GOSR1: variants seen among roughly 807,000 people sequenced by gnomAD.
The protein encoded by GOSR1 is 28 kDa Golgi SNARE protein.
Under a neutral mutation model 35.5 loss-of-function variants are expected in GOSR1, and 21 were observed. That is an observed-to-expected ratio of 0.59 (90% CI 0.42 to 0.85). The LOEUF (loss-of-function observed/expected upper bound fraction) is 0.85. Among genes scored for constraint, GOSR1 ranks in the 40% least tolerant of loss-of-function variants. The pLI is 0.00. For missense variants in GOSR1, 285 were observed against 309.6 expected, an observed-to-expected ratio of 0.92 and a Z score of 0.60; for synonymous variants, 94 against 106.6, an observed-to-expected ratio of 0.88 and a Z score of 0.73.
At chr17:30,496,995 C>G (rs1238084852) in intron 6 of GOSR1, among the ~76,000 whole-genome samples, 2 of 152,272 alleles carry the variant, frequency 1.3e-5, no homozygotes, top group Admixed American at 6.5e-5. Context: ...TTAAAAATAC[C>G]TTTGGCAGAG....
At chr17:30,498,693 C>T (rs1297011849) in intron 6 of GOSR1, among the ~76,000 whole-genome samples, 1 of 152,118 alleles carries the variant, frequency 6.6e-6, no homozygotes, top group Non-Finnish European at 1.5e-5. Context: ...TATTTTGAAA[C>T]GTCACGCATT....
Position 30,484,712 on chromosome 17 carries a change from TC to T in GOSR1, c.288del (p.Ser97ProfsTer2). 1 of 1,600,484 alleles carries T rather than the reference TC, an allele frequency of 6.2e-7. No homozygotes were observed. Among genetic ancestry groups the T allele is most frequent in the Non-Finnish European group, 8.5e-7 (1 of 1,169,696 alleles). On this transcript the variant is annotated frameshift_variant, in exon 4 of 9. Transcript: ENST00000451249. LOFTEE classifies it high-confidence loss of function. ...KMAEYTNSAG[V>X]PSLNAALMHT... is the part of the protein sequence containing the mutation. ...GCAGAATATACCAACAGTGCAGGTG[TC>T]CCCTCCTTGAATGCAGCCCTGATGC...
At chr17:30,483,370 A>G (rs886837477) in intron 2 of GOSR1, among the ~76,000 whole-genome samples, 2 of 152,174 alleles carry the variant, frequency 1.3e-5, no homozygotes, top group African/African-American at 4.8e-5. Context: ...ATGAGCATCT[A>G]CTATGTGCCA....
intron 6 of GOSR1, among the ~76,000 whole-genome samples, chr17:30,503,547 A>C (rs765349196): frequency 1.7e-4 from 26 of 152,250 alleles, no homozygotes; most frequent in Non-Finnish European, 1.2e-4. Context: ...TAACCAGATG[A>C]TGCCATCTGC....
intron 1 of GOSR1, chr17:30,477,967 C>CAT: frequency 1.0e-5 from 10 of 981,580 alleles, no homozygotes; most frequent in Non-Finnish European, 1.2e-5. Flanking sequence ...CAGAATGTCT[C>CAT]TTATTGGGTC....
At chr17:30,484,434 C>T (rs1178882742) in intron 3 of GOSR1, 133 bp downstream of exon 3, 7 of 688,664 alleles carry the variant, frequency 1.0e-5, no homozygotes, top group Non-Finnish European at 1.8e-5. Flanking sequence ...CCCCACACCA[C>T]TTGAATTTTG....
At chr17:30,498,502 G>C (rs929295343) in intron 6 of GOSR1, among the ~76,000 whole-genome samples, 7 of 152,172 alleles carry the variant, frequency 4.6e-5, no homozygotes, top group Non-Finnish European at 7.3e-5. Flanking sequence ...TCATTACTCT[G>C]CTGAAGCTTC....
chr17:30,480,679 C>G (rs1914274969), intron 1 of GOSR1, among the ~76,000 whole-genome samples: 1 of 151,222 alleles, frequency 6.6e-6, no homozygotes, highest in Non-Finnish European at 1.5e-5. Flanking sequence ...ATCTGCTTTG[C>G]TGGGCAAGTC....
intron 4 of GOSR1, among the ~76,000 whole-genome samples, chr17:30,488,072 C>G (rs569561482): frequency 3.4e-4 from 51 of 150,790 alleles, no homozygotes; most frequent in African/African-American, 1.1e-3. Context: ...CCGTACCCAG[C>G]CCTGATCCAA....
chr17:30,489,732 TGA>T (rs1281658078), intron 4 of GOSR1, among the ~76,000 whole-genome samples: 2 of 152,204 alleles, frequency 1.3e-5, no homozygotes, highest in African/African-American at 4.8e-5. Flanking sequence ...AAATTTTTTG[TGA>T]GAGCTCCAAA....
chr17:30,490,054 A>T, intron 4 of GOSR1, 72 bp from the exon 5 acceptor site: 1 of 741,866 alleles, frequency 1.3e-6, no homozygotes, highest in East Asian at 2.5e-5. Flanking sequence ...TGTGATGACG[A>T]TACATAACTG....
intron 4 of GOSR1, among the ~76,000 whole-genome samples, chr17:30,488,191 GTC>G (rs1914800060): frequency 7.5e-6 from 1 of 132,480 alleles, no homozygotes; most frequent in Non-Finnish European, 1.5e-5. Flanking sequence ...TTGAGACAGA[GTC>G]TCACTCTGTC....
intron 5 of GOSR1, among the ~76,000 whole-genome samples, 162 bp from the exon 6 acceptor site, chr17:30,492,517 G>A (rs1280490410): frequency 1.3e-5 from 2 of 152,222 alleles, no homozygotes; most frequent in Non-Finnish European, 2.9e-5. Flanking sequence ...ACCTAAAATA[G>A]ATAACATTTT....
intron 4 of GOSR1, among the ~76,000 whole-genome samples, chr17:30,486,005 A>T (rs891854876): frequency 1.4e-5 from 2 of 147,826 alleles, no homozygotes; most frequent in Admixed American, 1.3e-4. Context: ...AGGCTACAAG[A>T]CTGAGACTCC....
Position 30,500,306 on chromosome 17 carries a change from T to TTTTG in GOSR1, c.509+7569_509+7572dup, listed in dbSNP as rs149125006. On this transcript the variant is annotated intron_variant, in intron 6 of 8. Coordinates refer to ENST00000451249, the MANE Select transcript of GOSR1 (RefSeq NM_001007025.2). ...CTTTCAGGAGTTTTAGTTTTAGCTT[T>TTTTG]TTTGTTTGTTTGTTTGTTTTTAAAC... Among the ~76,000 whole-genome samples, 13 of 152,338 alleles carry TTTTG rather than the reference T, an allele frequency of 8.5e-5. No individual in the cohort carries two copies. In the Middle Eastern group the frequency reaches 0.01, roughly 120 times the overall value.
chr17:30,487,591 T>C, intron 4 of GOSR1, among the ~76,000 whole-genome samples: 1 of 152,220 alleles, frequency 6.6e-6, no homozygotes, highest in East Asian at 1.9e-4. Flanking sequence ...AAGAGGTGAT[T>C]TTTCACATGT....
intron 4 of GOSR1, among the ~76,000 whole-genome samples, chr17:30,486,453 G>A (rs1216273561): frequency 1.1e-4 from 16 of 151,800 alleles, no homozygotes; most frequent in Admixed American, 1.1e-3. Context: ...GAACCTGGGA[G>A]GTGGAGGTTG....
chr17:30,516,487 A>G (rs1162913641), intron 7 of GOSR1, among the ~76,000 whole-genome samples: 1 of 151,398 alleles, frequency 6.6e-6, no homozygotes, highest in Non-Finnish European at 1.5e-5. Flanking sequence ...AAAAAAGAAA[A>G]AGAAAAAGTC....
chr17:30,484,829 T>G (rs749342560), intron 4 of GOSR1, 59 bp downstream of exon 4: 8 of 864,242 alleles, frequency 9.3e-6, no homozygotes, highest in Non-Finnish European at 1.6e-5. Context: ...TTTTTTTTTT[T>G]AATCCCTGCA....
Sources: allele counts gnomAD v4.1 joint callset (sites outside exome capture counted in the v4.1 genomes callset), GRCh38; gene constraint gnomAD v4.1.1; transcripts MANE v1.5; gene names NCBI Gene and HGNC (gene_info 2026-07-23, HGNC 2026-07-21).